The following FRMPD4 variants were observed in gnomAD, a reference collection of about 807,000 sequenced individuals.
FRMPD4 encodes FERM and PDZ domain-containing protein 4.
FRMPD4 carries 22 observed loss-of-function variants against 94.1 expected under a neutral mutation model. That is an observed-to-expected ratio of 0.23 (90% confidence interval 0.17 to 0.33). The LOEUF is 0.33. Ranked by LOEUF, FRMPD4 falls within the 10% of genes least tolerant of loss-of-function variation. The pLI is 1.00. For missense variants in FRMPD4, 1,111 were observed against 1,339.9 expected, an observed-to-expected ratio of 0.83 and a Z score of 2.67; for synonymous variants, 631 against 548.6, an observed-to-expected ratio of 1.15 and a Z score of -2.10.
At chrX:12,151,202 T>TA (rs1027026466) in intron 1 of FRMPD4, among the ~76,000 whole-genome samples, 4 of 111,060 alleles carry the variant, frequency 3.6e-5, no homozygotes, top group Admixed American at 9.6e-5. Flanking sequence ...ATAGTAAGGT[T>TA]AAAAAAAACT....
intron 1 of FRMPD4, among the ~76,000 whole-genome samples, chrX:12,424,191 C>T (rs749003939): frequency 8.9e-5 from 10 of 112,060 alleles, no homozygotes; most frequent in Non-Finnish European, 1.7e-4. Flanking sequence ...GCTTGCCATA[C>T]GACCCTTGTC....
chrX:12,402,176 G>T (rs2056615974), intron 1 of FRMPD4, among the ~76,000 whole-genome samples: 1 of 111,412 alleles, frequency 9.0e-6, no homozygotes, highest in South Asian at 3.8e-4. Context: ...GGCAAGAATG[G>T]CCTCAATGCC....
chrX:12,270,234 A>G (rs756479317), intron 1 of FRMPD4, among the ~76,000 whole-genome samples: 10 of 105,442 alleles, frequency 9.5e-5, no homozygotes, highest in Admixed American at 6.3e-4. Flanking sequence ...AATGAGGAAT[A>G]TTAGCATGCC....
chrX:12,524,028 A>G (rs1028768384), intron 2 of FRMPD4, among the ~76,000 whole-genome samples: 1 of 111,330 alleles, frequency 9.0e-6, no homozygotes, highest in African/African-American at 3.3e-5. Context: ...GGTGGCATGC[A>G]CCTGTAGTCC....
chrX:12,194,830 G>A (rs1415181467), intron 1 of FRMPD4, among the ~76,000 whole-genome samples: 1 of 111,501 alleles, frequency 9.0e-6, no homozygotes, highest in Non-Finnish European at 1.9e-5. Flanking sequence ...TTTAATTATT[G>A]AAAACAATGC....
intron 1 of FRMPD4, among the ~76,000 whole-genome samples, chrX:12,141,371 G>A (rs1282508660): frequency 8.9e-6 from 1 of 111,768 alleles, no homozygotes; most frequent in East Asian, 2.8e-4. Flanking sequence ...GGCATATCTT[G>A]GAAGTGATAT....
At chrX:12,065,592 G>C (rs1359625367) in intron 3 of FRMPD4, among the ~76,000 whole-genome samples, 1 of 111,766 alleles carries the variant, frequency 8.9e-6, no homozygotes, top group Non-Finnish European at 1.9e-5. Context: ...AGCTCTTCTG[G>C]CTTTGTGTGT....
chrX:12,135,493 A>C (rs780302399), upstream of FRMPD4, among the ~76,000 whole-genome samples: 4 of 107,081 alleles, frequency 3.7e-5, no homozygotes, highest in Non-Finnish European at 3.8e-5. Flanking sequence ...TGCTTTAGAA[A>C]ACAATATCAA....
intron 3 of FRMPD4, among the ~76,000 whole-genome samples, chrX:12,094,876 G>A (rs187895712): frequency 1.4e-4 from 16 of 111,907 alleles, no homozygotes; most frequent in South Asian, 1.1e-3. Flanking sequence ...TTACCTGTAC[G>A]TATAATTATT....
chrX:12,505,300 G>C (rs770240789), intron 2 of FRMPD4, among the ~76,000 whole-genome samples: 15 of 112,151 alleles, frequency 1.3e-4, no homozygotes, highest in African/African-American at 4.5e-4. Context: ...GGCACAGGCA[G>C]AAATTCTGGC....
chrX:11,946,724 A>G (rs1169257052), intron 3 of FRMPD4, among the ~76,000 whole-genome samples: 1 of 111,490 alleles, frequency 9.0e-6, no homozygotes, highest in Non-Finnish European at 1.9e-5. Flanking sequence ...CAGGCATCAT[A>G]CAACCCACTG....
At chrX:11,963,480 C>T (rs1483921187) in intron 3 of FRMPD4, among the ~76,000 whole-genome samples, 2 of 112,366 alleles carry the variant, frequency 1.8e-5, no homozygotes, top group Non-Finnish European at 3.8e-5. Flanking sequence ...GAATCTCCCA[C>T]CAGCCTTTAG....
chrX:12,060,635 A>C (rs1351904525), intron 3 of FRMPD4, among the ~76,000 whole-genome samples: 1 of 111,283 alleles, frequency 9.0e-6, no homozygotes, highest in African/African-American at 3.3e-5. Context: ...GGAATGAAAG[A>C]GTCAATCTAT....
chrX:12,598,371 G>C (rs989511588), intron 2 of FRMPD4, among the ~76,000 whole-genome samples: 1 of 111,625 alleles, frequency 9.0e-6, no homozygotes, highest in Non-Finnish European at 1.9e-5. Flanking sequence ...GGGACTAGCA[G>C]CAGCTGGGAC....
chrX:11,827,076 A>ATATATATG (rs1388693739), intron 1 of FRMPD4, among the ~76,000 whole-genome samples: 1 of 98,890 alleles, frequency 1.0e-5, no homozygotes, highest in Non-Finnish European at 2.0e-5. Context: ...ATATATATAT[A>ATATATATG]TATATATATA....
intron 2 of FRMPD4, among the ~76,000 whole-genome samples, chrX:12,501,500 A>AGAGT (rs2057920830): frequency 9.4e-6 from 1 of 106,527 alleles, no homozygotes; most frequent in African/African-American, 3.4e-5. Flanking sequence ...TCTAATTATC[A>AGAGT]GAGTTCTCGG....
chrX:12,011,055 A>G lies in FRMPD4; in HGVS notation c.95+133037A>G, dbSNP rs1207577035. On this transcript the variant is annotated intron_variant, in intron 3 of 18. Coordinates refer to the FRMPD4 transcript ENST00000640291. Reference sequence around the variant, plus strand: ...ATATATAGTCAGTTAAACATAAGCTATACTATTTCTGACTTCAACCCACCC... The same window carrying G: ...ATATATAGTCAGTTAAACATAAGCTGTACTATTTCTGACTTCAACCCACCC... Among the ~76,000 whole-genome samples, 4 of 112,593 alleles carry G rather than the reference A, an allele frequency of 3.6e-5. No individual in the cohort carries two copies. The East Asian group carries it at 1.1e-3, about 31-fold the overall frequency.
Position 12,716,758 on chromosome X carries a change from C to A in FRMPD4, c.2299C>A (p.Gln767Lys). ...EEDLVVGEMN[Q>K]PAILNLSGSS... is the part of the protein sequence containing the mutation. ...GGACCTCGTGGTGGGGGAGATGAAC[C>A]AGCCGGCCATCCTCAACCTGTCTGG... The change falls in exon 15 of 17, where the codon CAG becomes AAG. Residue 767 changes from glutamine (Q) to lysine (K), a missense_variant. Gln to Lys is a moderately conservative substitution (Grantham distance 53). Coordinates refer to ENST00000675598, the MANE Select transcript of FRMPD4 (RefSeq NM_001368397.1). The A allele has an allele frequency of 8.3e-7, 1 of 1,210,975 alleles. No homozygotes were observed. Among genetic ancestry groups the A allele is most frequent in the Non-Finnish European group, 1.1e-6 (1 of 894,754 alleles).
chrX:12,589,081 A>G (rs758654541), intron 2 of FRMPD4, among the ~76,000 whole-genome samples: 2 of 112,412 alleles, frequency 1.8e-5, no homozygotes, highest in Non-Finnish European at 3.8e-5. Flanking sequence ...AATAATTCAG[A>G]TGACTTTCTG....
Sources: allele counts gnomAD v4.1 joint callset (sites outside exome capture counted in the v4.1 genomes callset), GRCh38; gene constraint gnomAD v4.1.1; transcripts MANE v1.5; gene names NCBI Gene and HGNC (gene_info 2026-07-23, HGNC 2026-07-21).